The following CREBBP variants were observed in gnomAD, a reference collection of about 807,000 sequenced individuals.
The protein encoded by CREBBP is CREB binding lysine acetyltransferase.
Under a neutral mutation model 265.0 loss-of-function variants are expected in CREBBP, and 19 were observed. That is an observed-to-expected ratio of 0.07 (90% CI 0.05 to 0.11). CREBBP has a LOEUF of 0.11. Ranked by LOEUF, CREBBP falls within the 10% of genes least tolerant of loss-of-function variation. The pLI is 1.00. For missense variants in CREBBP, 2,525 were observed against 3,219.0 expected, an observed-to-expected ratio of 0.78 and a Z score of 5.22; for synonymous variants, 1,457 against 1,223.7, an observed-to-expected ratio of 1.19 and a Z score of -3.98.
intron 23 of CREBBP, 123 bp downstream of exon 23, chr16:3,744,771 C>T (rs566547796): frequency 6.3e-6 from 5 of 795,968 alleles, no homozygotes; most frequent in African/African-American, 1.7e-5. Context: ...AAAAAACTAA[C>T]GAAAATCTTT....
intron 1 of CREBBP, among the ~76,000 whole-genome samples, chr16:3,879,476 C>T (rs1172129668): frequency 3.9e-5 from 6 of 152,226 alleles, no homozygotes; most frequent in Non-Finnish European, 7.3e-5. Context: ...GCTGTCATTC[C>T]TCTGGACGGC....
At chr16:3,749,144 C>CA (rs1005388242) in intron 21 of CREBBP, among the ~76,000 whole-genome samples, 46 of 152,104 alleles carry the variant, frequency 3.0e-4, no homozygotes, top group Non-Finnish European at 6.0e-4. Flanking sequence ...GAGACTGTCT[C>CA]AAAAAACAAA....
rs537324532 is a variant in CREBBP, at chr16:3,807,675, C to T, written c.975+2928G>A. Among the ~76,000 whole-genome samples, 4 of 152,290 alleles carry T rather than the reference C, an allele frequency of 2.6e-5. No homozygotes were observed. In the South Asian group the frequency reaches 6.2e-4, roughly 24 times the overall value. On this transcript the variant is annotated intron_variant, in intron 3 of 30. Transcript: ENST00000262367. ...CAGGAAGCTACATAGCTTTGAACAA[C>T]CCAAACTCCTCAGAGTCTCAACTTG...
At chr16:3,816,152 C>A (rs1179107633) in intron 2 of CREBBP, among the ~76,000 whole-genome samples, 1 of 151,980 alleles carries the variant, frequency 6.6e-6, no homozygotes, top group African/African-American at 2.4e-5. Context: ...ATAGTAAGTA[C>A]CCAAAAAAAG....
chr16:3,735,327 C>T (rs1193445936), intron 28 of CREBBP, among the ~76,000 whole-genome samples: 2 of 152,124 alleles, frequency 1.3e-5, no homozygotes, highest in African/African-American at 2.4e-5. Flanking sequence ...AACGGAGTCT[C>T]GCACTGTCTC....
intron 2 of CREBBP, chr16:3,840,885 A>C (rs140770818): frequency 1.3e-5 from 2 of 156,184 alleles, no homozygotes; most frequent in South Asian, 2.0e-4. Flanking sequence ...CACTGGGCTT[A>C]AGGGAGTTCA....
At chr16:3,805,289 A>G (rs1325170127) in intron 3 of CREBBP, among the ~76,000 whole-genome samples, 3 of 152,232 alleles carry the variant, frequency 2.0e-5, no homozygotes, top group African/African-American at 7.2e-5. Flanking sequence ...TTCCAGTTCA[A>G]TTAGTGAGAC....
intron 16 of CREBBP, among the ~76,000 whole-genome samples, chr16:3,766,658 T>C (rs1307826033): frequency 6.6e-6 from 1 of 152,114 alleles, no homozygotes; most frequent in African/African-American, 2.4e-5. Flanking sequence ...CTCGAGCAGC[T>C]AGAATTATAG....
chr16:3,741,021 G>C (rs1029654502), intron 23 of CREBBP: 1 of 247,564 alleles, frequency 4.0e-6, no homozygotes, highest in Admixed American at 5.0e-5. Context: ...TCTGGCCAGA[G>C]CCTGTCCGGT....
At chr16:3,847,508 T>G (rs1158065035) in intron 2 of CREBBP, among the ~76,000 whole-genome samples, 1 of 152,178 alleles carries the variant, frequency 6.6e-6, no homozygotes, top group African/African-American at 2.4e-5. Flanking sequence ...TTTAAAAAAA[T>G]GCACTCTATC....
At chr16:3,814,255 G>T (rs1448594579) in intron 2 of CREBBP, among the ~76,000 whole-genome samples, 1 of 147,214 alleles carries the variant, frequency 6.8e-6, no homozygotes, top group Non-Finnish European at 1.5e-5. Context: ...GTGTGTGTGT[G>T]TGTGTGTGTG....
At chr16:3,838,314 T>A (rs577703875) in intron 2 of CREBBP, among the ~76,000 whole-genome samples, 90 of 152,250 alleles carry the variant, frequency 5.9e-4, no homozygotes, top group African/African-American at 2.0e-3. Flanking sequence ...CTATATAGCC[T>A]AGGTGTGTAA....
chr16:3,731,301 G>A lies in CREBBP; in HGVS notation c.5063C>T (p.Thr1688Met), dbSNP rs781364836. 6.2e-7 allele frequency: 1 copy of A among 1,614,184 alleles called. No individual in the cohort carries two copies. The highest frequency in any genetic ancestry group is 1.3e-5 in the African/African-American group (1 of 75,048). ...GTGCAGCTCCACCAGCATGCAGAGC[G>A]TGGACCACTTGGAGCGGCGCAAGGA... ...FSSLRRSKWS[T>M]LCMLVELHTQ... is the part of the protein sequence containing the mutation. Residue 1688 changes from threonine (T) to methionine (M), a missense_variant, in exon 30 of 31, where the codon ACG becomes ATG. Around this residue, in one of 19 missense-constraint regions of CREBBP, gnomAD observed 62 missense variants for 156.2 expected, o/e 0.40. Transcript: ENST00000262367. This position sits in a 1 kb window ranked among gnomAD's most constrained non-coding sequence, Gnocchi z 7.7.
chr16:3,831,976 A>G (rs1191800020), intron 2 of CREBBP, among the ~76,000 whole-genome samples: 1 of 152,052 alleles, frequency 6.6e-6, no homozygotes, highest in Non-Finnish European at 1.5e-5. Flanking sequence ...CAGCCTGGGC[A>G]ACGGAGTGAG....
chr16:3,731,357 G>A lies in CREBBP; in HGVS notation c.5007C>T (p.Thr1669=). The A allele has an allele frequency of 6.2e-7, 1 of 1,613,736 alleles. No homozygotes were observed. Among genetic ancestry groups the A allele is most frequent in the Non-Finnish European group, 8.5e-7 (1 of 1,179,876 alleles). ...DLMDGRDAFL[T]LARDKHWEFS... is the part of the protein sequence containing the mutation. ...ACTCCCAGTGCTTGTCTCTGGCGAG[G>A]GTGAGGAAGGCGTCGCGCCCATCCA... The change falls in exon 30 of 31, where the codon ACC becomes ACT. Residue 1669 remains threonine (T), a synonymous_variant. Coordinates refer to ENST00000262367, the MANE Select transcript of CREBBP (RefSeq NM_004380.3). This position sits in a 1 kb window ranked among gnomAD's most constrained non-coding sequence, Gnocchi z 7.7.
intron 16 of CREBBP, among the ~76,000 whole-genome samples, chr16:3,765,571 C>T (rs780246781): frequency 6.6e-6 from 1 of 152,228 alleles, no homozygotes; most frequent in East Asian, 1.9e-4. Flanking sequence ...GTTGCCAATG[C>T]TAAAATTTGG....
rs764200235 is a variant in CREBBP at position 3,725,344 on chromosome 16, A to C, written c.*2374T>G. 1.3e-5 allele frequency: 3 copies of C among 233,160 alleles called. No individual in the cohort carries two copies. Among genetic ancestry groups the C allele is most frequent in the African/African-American group, 4.4e-5 (2 of 45,362 alleles). The allele number at this position is 233,160 out of a possible 1,614,324, so 14.4% of individuals were successfully genotyped here. A position where few individuals can be genotyped will look rare whatever the true frequency, so the allele number is the denominator to read the frequency against. ...GTTGGTACATAACGTTTTGAATTCCAGGATAACCTGAAACAGAGGCCCCTC... is the reference window on the plus strand; with the variant it reads ...GTTGGTACATAACGTTTTGAATTCCCGGATAACCTGAAACAGAGGCCCCTC... On this transcript the variant is annotated 3_prime_UTR_variant, in exon 31 of 31. Transcript: ENST00000262367.
At chr16:3,823,803 G>A (rs2054186006) in intron 2 of CREBBP, among the ~76,000 whole-genome samples, 2 of 152,070 alleles carry the variant, frequency 1.3e-5, no homozygotes, top group African/African-American at 4.8e-5. Context: ...AGTTTCCATG[G>A]CAAGGCACAC....
chr16:3,776,577 G>C (rs2053143203), intron 11 of CREBBP, among the ~76,000 whole-genome samples: 1 of 152,120 alleles, frequency 6.6e-6, no homozygotes, highest in East Asian at 1.9e-4. Flanking sequence ...TTCAGCCTCT[G>C]CAAGTGCTCA....
Sources: gnomAD v4.1 joint callset for allele counts (sites outside exome capture counted in the v4.1 genomes callset) on GRCh38, gnomAD v4.1.1 for gene constraint, gnomAD v4.1.1 regional missense constraint, Gnocchi (gnomAD v3.1) non-coding constraint, MANE v1.5 for transcripts, NCBI Gene and HGNC (gene_info 2026-07-23, HGNC 2026-07-21) for gene names.